The following ZNF782 variants were observed in gnomAD, a reference collection of about 807,000 sequenced individuals.
ZNF782 encodes the protein zinc finger protein 782.
ZNF782 carries 12 observed loss-of-function variants against 13.0 expected under a neutral mutation model. That is an observed-to-expected ratio of 0.92 (90% CI 0.59 to 1.50). The LOEUF (loss-of-function observed/expected upper bound fraction) is 1.50, where lower values mean the gene tolerates loss of function less well. Among genes scored for constraint, ZNF782 ranks in the 40% most tolerant of loss-of-function variants. ZNF782 has a pLI of 0.00. For missense variants in ZNF782, 770 were observed against 822.9 expected (o/e 0.94, Z 0.79); for synonymous variants, 284 against 283.0 (o/e 1.00, Z -0.04).
chr9:96,898,541 A>G, the ZNF782 span, among the ~76,000 whole-genome samples: 1 of 149,114 alleles, frequency 6.7e-6, no homozygotes, highest in Non-Finnish European at 1.5e-5. Context: ...TATCATTTTA[A>G]CCATTTCCTT....
At chr9:96,859,471 C>T (rs1268062923), upstream of ZNF782, among the ~76,000 whole-genome samples, 1 of 152,260 alleles carries the variant, frequency 6.6e-6, no homozygotes, top group Non-Finnish European at 1.5e-5. Context: ...TGAGACCCCC[C>T]TTTCAGGTCT....
chr9:96,823,958 C>T (rs143004587), intron 5 of ZNF782, among the ~76,000 whole-genome samples: 2,080 of 152,250 alleles, frequency 0.014, 34 homozygotes, highest in Non-Finnish European at 0.021. Context: ...GATTCACAGC[C>T]GAATTCTACC....
intron 3 of ZNF782, among the ~76,000 whole-genome samples, chr9:96,849,768 C>G (rs919099368): frequency 6.6e-6 from 1 of 151,988 alleles, no homozygotes; most frequent in Non-Finnish European, 1.5e-5. Flanking sequence ...AACTAGACAT[C>G]TGACAAAGTA....
In ZNF782 at chr9:96,818,697, T is replaced by C. The variant is rs1850279779; in HGVS notation, c.1326A>G (p.Arg442=). ...SAKSGLRIHQ[R]THTGEKPFEC... is the part of the protein sequence containing the mutation. ...CGAATGGTTTCTCCCCTGTGTGGGT[T>C]CTCTGGTGTATTCTTAGGCCTGACT... is the stretch of plus-strand genomic sequence containing the variant. Residue 442 remains arginine, a synonymous_variant, in exon 6 of 6, where the codon AGA becomes AGG. Coordinates refer to ENST00000481138, the MANE Select transcript of ZNF782 (RefSeq NM_001001662.3). The C allele has an allele frequency of 6.2e-7, 1 of 1,614,182 alleles. No individual in the cohort carries two copies. The highest frequency in any genetic ancestry group is 8.5e-7 in the Non-Finnish European group (1 of 1,180,022).
chr9:96,863,009 A>G (rs1851720136), intron 1 of ZNF782, among the ~76,000 whole-genome samples: 1 of 152,230 alleles, frequency 6.6e-6, no homozygotes, highest in Admixed American at 6.5e-5. Context: ...CAAGATGCCC[A>G]GTTCTACACA....
chr9:96,851,988 AG>A lies in ZNF782; in HGVS notation c.-28del. The A allele has an allele frequency of 6.2e-7, 1 of 1,613,290 alleles. No individual in the cohort carries two copies. The highest frequency in any genetic ancestry group is 1.3e-5 in the African/African-American group (1 of 75,032). ...TTCTGTGGCTCTTGGGAGAGTATAG[AG>A]AACTGTAAAGCCTCAGCTGGGGGGA... is the stretch of plus-strand genomic sequence containing the variant. On this transcript the variant is annotated 5_prime_UTR_variant, in exon 3 of 6. Coordinates refer to ENST00000481138, the MANE Select transcript of ZNF782 (RefSeq NM_001001662.3).
rs564859226 is a variant in ZNF782, at chr9:96,867,600, C to T, written c.-456-5997G>A. 2.0e-5 allele frequency among the ~76,000 whole-genome samples: 3 copies of T among 152,330 alleles called. No individual in the cohort carries two copies. The East Asian group carries it at 5.8e-4, about 29-fold the overall frequency. The stretch of plus-strand genomic sequence containing the variant: ...TCTAGCCAAGATGTCTCTCTTTGAT[C>T]TTTCCGCTTTCCTAAGTTTAAAGAG... On this transcript the variant is annotated intron_variant, in intron 1 of 5. Transcript: ENST00000498811.
chr9:96,829,551 A>G (rs998510529), intron 4 of ZNF782, among the ~76,000 whole-genome samples: 10 of 152,334 alleles, frequency 6.6e-5, no homozygotes, highest in African/African-American at 2.4e-4. Flanking sequence ...TCAATAATTT[A>G]TAGAAGTAGA....
At chr9:96,851,620 C>T (rs1020898744) in intron 3 of ZNF782, among the ~76,000 whole-genome samples, 1 of 152,204 alleles carries the variant, frequency 6.6e-6, no homozygotes, top group African/African-American at 2.4e-5. Flanking sequence ...AGGGTCTATA[C>T]AGGAATTCAA....
rs143611206 is a variant in ZNF782, at chr9:96,849,954, T to C, written c.15+1993A>G. On this transcript the variant is annotated intron_variant, in intron 3 of 5. Transcript: ENST00000481138. ...AGGGAAATGCAAATTGAAACCACCA[T>C]GAGATACCACTTTACTCCTGCAAGA... is the stretch of plus-strand genomic sequence containing the variant. Among the ~76,000 whole-genome samples the C allele has an allele frequency of 3.0e-4, 45 of 152,194 alleles. No homozygotes were observed. In the East Asian group the frequency reaches 8.3e-3, roughly 28 times the overall value.
intron 5 of ZNF782, 113 bp downstream of exon 5, chr9:96,826,967 G>A (rs1160606874): frequency 3.0e-6 from 2 of 664,022 alleles, no homozygotes; most frequent in Non-Finnish European, 4.7e-6. Context: ...GCTGATTTTT[G>A]TTTGTATTTT....
chr9:96,910,265 G>A, the ZNF782 span: 4 of 604,476 alleles, frequency 6.6e-6, no homozygotes, highest in Non-Finnish European at 1.3e-5. Flanking sequence ...GGAGGAAGAG[G>A]AGGAGGAAAA....
At position 96,818,712 on chromosome 9, in the gene ZNF782, T is replaced by C; in HGVS notation, c.1311A>G (p.Leu437=). The stretch of plus-strand genomic sequence containing the variant: ...CTGTGTGGGTTCTCTGGTGTATTCT[T>C]AGGCCTGACTTTGCACTGAAAGCTT... ...CDKAFSAKSG[L]RIHQRTHTGE... is the part of the protein sequence containing the mutation. The change falls in exon 6 of 6, where the codon CTA becomes CTG. Residue 437 remains leucine (L), a synonymous_variant. Coordinates refer to ENST00000481138, the MANE Select transcript of ZNF782 (RefSeq NM_001001662.3). 1.9e-6 allele frequency: 3 copies of C among 1,613,978 alleles called. No individual in the cohort carries two copies. The highest frequency in any genetic ancestry group is 1.1e-5 in the South Asian group (1 of 91,076).
chr9:96,876,971 A>AAAAAAAAAAAAAAAAAAAAAAAG (rs1851900809), upstream of ZNF782, among the ~76,000 whole-genome samples: 1 of 128,040 alleles, frequency 7.8e-6, no homozygotes, highest in Non-Finnish European at 1.5e-5. Context: ...AAAAAAAAAA[A>AAAAAAAAAAAAAAAAAAAAAAAG]AAGAAGAAGA....
the ZNF782 span, among the ~76,000 whole-genome samples, chr9:96,930,403 A>C: frequency 6.6e-6 from 1 of 151,980 alleles, no homozygotes; most frequent in East Asian, 1.9e-4. Flanking sequence ...GGGAGCCTGT[A>C]ATCCCAGCTA....
chr9:96,839,864 T>C (rs1851134951), intron 4 of ZNF782, among the ~76,000 whole-genome samples: 1 of 152,230 alleles, frequency 6.6e-6, no homozygotes. Context: ...ATTTTATAGT[T>C]GCATAGTCTT....
At chr9:96,833,238 C>T (rs138164948) in intron 4 of ZNF782, among the ~76,000 whole-genome samples, 6 of 152,110 alleles carry the variant, frequency 3.9e-5, no homozygotes, top group Admixed American at 1.3e-4. Flanking sequence ...TCAGAAATTC[C>T]GATGGCAGTT....
chr9:96,848,149 T>G (rs879686176), intron 3 of ZNF782, among the ~76,000 whole-genome samples: 1 of 152,082 alleles, frequency 6.6e-6, no homozygotes, highest in Non-Finnish European at 1.5e-5. Context: ...AAACTACGCA[T>G]AGAGGGGACT....
chr9:96,917,759 CTT>C, the ZNF782 span, among the ~76,000 whole-genome samples: 1 of 151,742 alleles, frequency 6.6e-6, no homozygotes, highest in East Asian at 1.9e-4. Flanking sequence ...GGGTCTCACT[CTT>C]TGCCCAGAAT....
Sources: gnomAD v4.1 joint callset for allele counts (sites outside exome capture counted in the v4.1 genomes callset) on GRCh38, gnomAD v4.1.1 for gene constraint, MANE v1.5 for transcripts, NCBI Gene and HGNC (gene_info 2026-07-23, HGNC 2026-07-21) for gene names.